The following USP48 variants were observed in gnomAD, a reference collection of about 807,000 sequenced individuals.
The protein encoded by USP48 is ubiquitin carboxyl-terminal hydrolase 48.
USP48 carries 43 observed loss-of-function variants against 150.7 expected under a neutral mutation model. The observed-to-expected ratio is 0.29, with a 90% CI of 0.22 to 0.37. USP48 has a LOEUF of 0.37. USP48 is among the 10% of genes least tolerant of loss of function. The pLI, the probability that USP48 is intolerant of heterozygous loss-of-function variation, is 1.00. For synonymous variants in USP48, 396 were observed against 425.9 expected (o/e 0.93, Z 0.86); for missense variants, 813 against 1,249.6 (o/e 0.65, Z 5.27).
intron 1 of USP48, among the ~76,000 whole-genome samples, chr1:21,775,411 G>C (rs2097895377): frequency 6.6e-6 from 1 of 152,134 alleles, no homozygotes; most frequent in South Asian, 2.1e-4. Flanking sequence ...ACAGGTGTAT[G>C]CCGCCACCAT....
chr1:21,728,757 T>C, intron 10 of USP48, 38 bp from the exon 11 acceptor site: 1 of 1,607,604 alleles, frequency 6.2e-7, no homozygotes, highest in Non-Finnish European at 8.5e-7. Flanking sequence ...ACTTTATTCT[T>C]GTTTTCACAT....
intron 15 of USP48, among the ~76,000 whole-genome samples, chr1:21,708,935 A>C (rs1355920199): frequency 2.1e-5 from 3 of 145,624 alleles, no homozygotes; most frequent in Non-Finnish European, 4.5e-5. Flanking sequence ...AAGAAAACAG[A>C]GTCTCATTCT....
At chr1:21,727,857 TTAAG>T in intron 11 of USP48, 1 of 971,858 alleles carries the variant, frequency 1.0e-6, no homozygotes, top group Non-Finnish European at 1.2e-6. Context: ...ACAATTATGC[TTAAG>T]TATTTATTTT....
Position 21,706,856 on chromosome 1 carries a change from A to G in USP48, c.1976T>C (p.Ile659Thr). Residue 659 changes from isoleucine to threonine, a missense_variant, in exon 16 of 27, where the codon ATA becomes ACA. Coordinates refer to ENST00000308271, the MANE Select transcript of USP48 (RefSeq NM_032236.8). ...AACAAGCCTTCTTTCATTTTCAGATATGCATAACTCACCTGAGTTTAAAAA... is the reference window on the plus strand; with the variant it reads ...AACAAGCCTTCTTTCATTTTCAGATGTGCATAACTCACCTGAGTTTAAAAA... ...DILCPHGELC[I>T]SENERRLVSK... 6.2e-7 allele frequency: 1 copy of G among 1,610,284 alleles called. No homozygotes were observed. The highest frequency in any genetic ancestry group is 8.5e-7 in the Non-Finnish European group (1 of 1,178,332).
chr1:21,772,921 CAA>C (rs112945957), intron 1 of USP48, among the ~76,000 whole-genome samples: 1 of 108,306 alleles, frequency 9.2e-6, no homozygotes. Flanking sequence ...GACTCTGTCT[CAA>C]AAAAAAAAAA....
intron 25 of USP48, among the ~76,000 whole-genome samples, chr1:21,685,715 C>A (rs76243843): frequency 2.0e-5 from 3 of 152,298 alleles, no homozygotes; most frequent in Admixed American, 2.0e-4. Context: ...AATCACTACA[C>A]TACAGAAACT....
chr1:21,779,655 C>T (rs1309716753), intron 1 of USP48, among the ~76,000 whole-genome samples: 2 of 152,126 alleles, frequency 1.3e-5, no homozygotes, highest in African/African-American at 4.8e-5. Flanking sequence ...CACACAAAAA[C>T]TACTACACTA....
chr1:21,728,738 C>A lies in USP48; in HGVS notation c.1301-19G>T. The A allele has an allele frequency of 2.5e-6, 4 of 1,608,954 alleles. No homozygotes were observed. Among genetic ancestry groups the A allele is most frequent in the Admixed American group, 3.4e-5 (2 of 58,676 alleles). ...AGAAAGGCTATTCAAAACAGAAAGA[C>A]AAAAAACAACTTTATTCTTGTTTTC... On this transcript the variant is annotated intron_variant, in intron 10 of 26. Transcript: ENST00000308271.
chr1:21,721,180 A>G lies in USP48; in HGVS notation c.1764-14T>C. The G allele has an allele frequency of 6.2e-7, 1 of 1,613,626 alleles. No individual in the cohort carries two copies. Among genetic ancestry groups the G allele is most frequent in the East Asian group, 2.2e-5 (1 of 44,866 alleles). On this transcript the variant is annotated splice_polypyrimidine_tract_variant and intron_variant, in intron 13 of 26. Coordinates refer to ENST00000308271, the MANE Select transcript of USP48 (RefSeq NM_032236.8). ...AATCCATCGCTGCTGTGGAACAGAGAGAATGTTAAATCATATAAGTAATAT... is the reference window on the plus strand; with the variant it reads ...AATCCATCGCTGCTGTGGAACAGAGGGAATGTTAAATCATATAAGTAATAT...
chr1:21,758,357 T>C (rs2097842115), intron 1 of USP48, among the ~76,000 whole-genome samples: 1 of 152,110 alleles, frequency 6.6e-6, no homozygotes, highest in Non-Finnish European at 1.5e-5. Flanking sequence ...AAGGAAAATA[T>C]ACATGTACAT....
At chr1:21,690,433 G>A (rs1406641938) in intron 23 of USP48, among the ~76,000 whole-genome samples, 2 of 152,124 alleles carry the variant, frequency 1.3e-5, no homozygotes, top group Non-Finnish European at 2.9e-5. Context: ...TCTGAGGCTT[G>A]GGCAAGGTCA....
At chr1:21,715,917 T>C (rs1336585366) in intron 14 of USP48, among the ~76,000 whole-genome samples, 1 of 152,206 alleles carries the variant, frequency 6.6e-6, no homozygotes, top group Non-Finnish European at 1.5e-5. Context: ...AGTCAGGGCA[T>C]ATGTTCTAAG....
At chr1:21,736,992 C>T (rs1230631767) in intron 8 of USP48, among the ~76,000 whole-genome samples, 1 of 152,094 alleles carries the variant, frequency 6.6e-6, no homozygotes, top group East Asian at 1.9e-4. Context: ...CTGTGTGTTA[C>T]GAAACTTAAA....
At chr1:21,705,329 T>G (rs2097669114) in intron 19 of USP48, among the ~76,000 whole-genome samples, 1 of 152,196 alleles carries the variant, frequency 6.6e-6, no homozygotes, top group African/African-American at 2.4e-5. Flanking sequence ...ACCAGTGCAG[T>G]GGCTTTGCTC....
At chr1:21,680,888 C>T in intron 25 of USP48, 54 bp from the exon 26 acceptor site, 1 of 1,399,164 alleles carries the variant, frequency 7.1e-7, no homozygotes, top group Non-Finnish European at 9.9e-7. Flanking sequence ...TCGTGACAGA[C>T]AGTAATATCA....
intron 23 of USP48, among the ~76,000 whole-genome samples, chr1:21,694,776 T>C (rs1395040882): frequency 6.6e-6 from 1 of 151,988 alleles, no homozygotes; most frequent in Non-Finnish European, 1.5e-5. Context: ...AAGAAAAGCA[T>C]ACAGCACAAT....
In USP48 at chr1:21,706,876, TA is replaced by T; in HGVS notation, c.1964-9del. ...CAGATATGCATAACTCACCTGAGTT[TA>T]AAAAAATATATTTGGAAAAAAAAAA... is the stretch of plus-strand genomic sequence containing the variant. On this transcript the variant is annotated splice_polypyrimidine_tract_variant and intron_variant, in intron 15 of 26. Transcript: ENST00000308271. 4 of 1,574,426 alleles carry T rather than the reference TA, an allele frequency of 2.5e-6. No homozygotes were observed. The highest frequency in any genetic ancestry group is 1.2e-5 in the South Asian group (1 of 83,914).
At chr1:21,736,676 T>C in intron 8 of USP48, 51 bp from the exon 9 acceptor site, 2 of 1,350,742 alleles carry the variant, frequency 1.5e-6, no homozygotes, top group Non-Finnish European at 9.7e-7. Context: ...AGTTATTTCT[T>C]ATATCCTGAG....
intron 1 of USP48, 59 bp downstream of exon 1, chr1:21,782,765 G>T (rs2097917685): frequency 2.0e-6 from 3 of 1,479,986 alleles, no homozygotes; most frequent in African/African-American, 1.5e-5. Flanking sequence ...CCCCTACCCC[G>T]CCCGGGCTTT....
Sources: gnomAD v4.1 joint callset for allele counts (sites outside exome capture counted in the v4.1 genomes callset) on GRCh38, gnomAD v4.1.1 for gene constraint, MANE v1.5 for transcripts, NCBI Gene and HGNC (gene_info 2026-07-23, HGNC 2026-07-21) for gene names.